USH2A: variants seen among roughly 807,000 people sequenced by gnomAD.
USH2A encodes Usher syndrome 2A (autosomal recessive, mild).
USH2A carries 443 observed loss-of-function variants against 538.9 expected under a neutral mutation model. The ratio of observed to expected loss-of-function variants is 0.82; its 90% CI spans 0.76 to 0.89. The LOEUF (loss-of-function observed/expected upper bound fraction) is 0.89, where lower values mean the gene tolerates loss of function less well. USH2A is among the 40% of genes least tolerant of loss of function. The probability of loss-of-function intolerance (pLI) is 0.00; values close to 1 mark genes in which losing one functional copy is unlikely to be tolerated. For missense variants in USH2A, 6,633 were observed against 6,324.8 expected (o/e 1.05, Z -1.65); for synonymous variants, 2,413 against 2,273.5 (o/e 1.06, Z -1.75).
intron 64 of USH2A, among the ~76,000 whole-genome samples, chr1:215,655,646 G>T (rs1357691004): frequency 6.6e-6 from 1 of 151,904 alleles, no homozygotes; most frequent in South Asian, 2.1e-4. Flanking sequence ...AGTCTGCACA[G>T]GATGGGAGAA....
At chr1:215,728,458 A>G in intron 60 of USH2A, 74 bp from the exon 61 acceptor site, 3 of 1,420,984 alleles carry the variant, frequency 2.1e-6, no homozygotes, top group Non-Finnish European at 2.9e-6. Flanking sequence ...GAGTAAAAAC[A>G]TTTTTTTTAG....
chr1:215,759,889 A>G (rs1013302609), intron 56 of USH2A, 46 bp from the exon 57 acceptor site: 1 of 1,611,106 alleles, frequency 6.2e-7, no homozygotes, highest in Non-Finnish European at 8.5e-7. Flanking sequence ...GAGAAAATAA[A>G]CAGTGTATCA....
chr1:216,219,914 T>C (rs1158726993), intron 14 of USH2A, among the ~76,000 whole-genome samples: 1 of 152,160 alleles, frequency 6.6e-6, no homozygotes, highest in Non-Finnish European at 1.5e-5. Flanking sequence ...TTTGCTATGA[T>C]AGTTCTCTTT....
chr1:216,261,156 C>A (rs1334050158), intron 11 of USH2A, among the ~76,000 whole-genome samples: 2 of 151,628 alleles, frequency 1.3e-5, no homozygotes, highest in Non-Finnish European at 2.9e-5. Context: ...GATGAGGAAA[C>A]AAACAATGCA....
chr1:216,204,505 A>G (rs2035069524), intron 16 of USH2A: 1 of 152,208 alleles, frequency 6.6e-6, no homozygotes, highest in Admixed American at 6.5e-5. Context: ...TATGTCTTAG[A>G]GAATCCCATA....
intron 38 of USH2A, among the ~76,000 whole-genome samples, chr1:215,909,132 A>G (rs1665711372): frequency 6.6e-6 from 1 of 151,766 alleles, no homozygotes; most frequent in Admixed American, 6.6e-5. Flanking sequence ...TTTAAAAGTC[A>G]TCTATTATAT....
At chr1:216,265,267 A>T (rs890958152) in intron 11 of USH2A, among the ~76,000 whole-genome samples, 1 of 152,020 alleles carries the variant, frequency 6.6e-6, no homozygotes, top group African/African-American at 2.4e-5. Context: ...AACATTGCTA[A>T]TCATCAGACA....
intron 21 of USH2A, among the ~76,000 whole-genome samples, chr1:216,167,613 G>C (rs893398990): frequency 2.6e-5 from 4 of 152,190 alleles, no homozygotes; most frequent in South Asian, 2.1e-4. Flanking sequence ...AGAATCAGGG[G>C]AGAAGGGACG....
chr1:216,175,412 T>A lies in USH2A; in HGVS notation c.4467A>T (p.Pro1489=). Residue 1489 remains proline, a synonymous_variant, in exon 21 of 72, where the codon CCA becomes CCT. Transcript: ENST00000307340. ...NSTTIHLRWF[P]PEELNGPSPI... ...GAGAGGGTCCATTCAGTTCTTCAGG[T>A]GGAAACCACCTAAGATGGATTGTTG... 1 of 1,613,824 alleles carries A rather than the reference T, an allele frequency of 6.2e-7. No individual in the cohort carries two copies. The highest frequency in any genetic ancestry group is 1.3e-5 in the African/African-American group (1 of 75,044).
chr1:215,937,097 C>T (rs961972896), intron 37 of USH2A, among the ~76,000 whole-genome samples: 1 of 151,790 alleles, frequency 6.6e-6, no homozygotes, highest in African/African-American at 2.4e-5. Context: ...TTACTCTGGA[C>T]CCAAAATTGG....
chr1:216,337,254 T>TA (rs1362342248), intron 4 of USH2A, among the ~76,000 whole-genome samples: 2 of 151,430 alleles, frequency 1.3e-5, no homozygotes, highest in African/African-American at 4.8e-5. Flanking sequence ...TTATTTTATT[T>TA]AATCCTCATA....
intron 9 of USH2A, among the ~76,000 whole-genome samples, chr1:216,308,933 G>A (rs778235740): frequency 6.6e-6 from 1 of 152,152 alleles, no homozygotes; most frequent in Non-Finnish European, 1.5e-5. Flanking sequence ...ACCATGCTGA[G>A]CTGCATTGCA....
chr1:216,215,542 T>A (rs2035326467), intron 15 of USH2A, among the ~76,000 whole-genome samples: 1 of 152,098 alleles, frequency 6.6e-6, no homozygotes, highest in Non-Finnish European at 1.5e-5. Context: ...TCAGTGTCCA[T>A]CACTCTAGCT....
At chr1:215,847,475 T>G (rs996599120) in intron 44 of USH2A, among the ~76,000 whole-genome samples, 1 of 151,706 alleles carries the variant, frequency 6.6e-6, no homozygotes, top group Admixed American at 6.6e-5. Flanking sequence ...CAATACCCCA[T>G]CTCTACATGA....
intron 61 of USH2A, among the ~76,000 whole-genome samples, chr1:215,693,561 C>T (rs1462885223): frequency 2.0e-5 from 3 of 152,018 alleles, no homozygotes; most frequent in South Asian, 2.1e-4. Flanking sequence ...ATTTCAAGAC[C>T]CCTGTTTCTT....
intron 51 of USH2A, 61 bp from the exon 52 acceptor site, chr1:215,786,935 A>G: frequency 3.3e-6 from 5 of 1,520,036 alleles, no homozygotes; most frequent in Non-Finnish European, 4.5e-6. Context: ...TTAGACATAC[A>G]TAGGGTAGGC....
rs748553216 is a variant in USH2A at position 216,070,373 on chromosome 1, G to A, written c.5858-81C>T. ...CTCCTATTCTTCACTTTTAATGGCC[G>A]CAGTAAATCAGACTCAACCATTAGC... is the stretch of plus-strand genomic sequence containing the variant. On this transcript the variant is annotated intron_variant, in intron 29 of 71. Transcript: ENST00000307340. 78 of 1,309,126 alleles carry A rather than the reference G, an allele frequency of 6.0e-5. 1 individual carries two copies. Among genetic ancestry groups the A allele is most frequent in the Middle Eastern group, 2.3e-4 (1 of 4,308 alleles). 81.1% of individuals were successfully genotyped at this position (1,309,126 alleles called of 1,614,324 possible). A position where few individuals can be genotyped will look rare whatever the true frequency, so the allele number is the denominator to read the frequency against.
chr1:216,399,228 CACTTT>C (rs1189297713), intron 3 of USH2A, among the ~76,000 whole-genome samples: 2 of 152,142 alleles, frequency 1.3e-5, no homozygotes, highest in African/African-American at 4.8e-5. Flanking sequence ...GGCTCATCAG[CACTTT>C]ACTTTACTCC....
intron 11 of USH2A, among the ~76,000 whole-genome samples, chr1:216,253,767 C>T (rs899980362): frequency 4.6e-5 from 7 of 152,146 alleles, no homozygotes; most frequent in East Asian, 1.9e-4. Flanking sequence ...AAATTGTAGT[C>T]GTTAAACCTT....
Sources: gnomAD v4.1 joint callset for allele counts (sites outside exome capture counted in the v4.1 genomes callset) on GRCh38, gnomAD v4.1.1 for gene constraint, MANE v1.5 for transcripts, NCBI Gene and HGNC (gene_info 2026-07-23, HGNC 2026-07-21) for gene names.